FLT1: variants seen among roughly 807,000 people sequenced by gnomAD.
FLT1 encodes the protein fms related receptor tyrosine kinase 1, also known as vascular endothelial growth factor receptor 1.
In FLT1, 49 loss-of-function variants were observed where a neutral mutation model predicts 156.3. That is an observed-to-expected ratio of 0.31 (90% CI 0.25 to 0.40). FLT1 has a LOEUF of 0.40. Ranked by LOEUF, FLT1 falls within the 10% of genes least tolerant of loss-of-function variation. The pLI, the probability that FLT1 is intolerant of heterozygous loss-of-function variation, is 1.00. For synonymous variants in FLT1, 594 were observed against 583.8 expected (o/e 1.02, Z -0.25); for missense variants, 1,322 against 1,637.2 (o/e 0.81, Z 3.32).
In FLT1 at chr13:28,434,129, A is replaced by G; in HGVS notation, c.605T>C (p.Ile202Thr). Residue 202 changes from isoleucine to threonine, a missense_variant, in exon 5 of 30, where the codon ATA becomes ACA. Ile to Thr is a moderately conservative substitution (Grantham distance 89). Transcript: ENST00000282397. ...TGTTGCTTCACAGGTCAGAAGCCCTATTTCTTTGTACGTTGCATTTGATAT... is the reference window on the plus strand; with the variant it reads ...TGTTGCTTCACAGGTCAGAAGCCCTGTTTCTTTGTACGTTGCATTTGATAT... ...FIISNATYKE[I>T]GLLTCEATVN... The G allele has an allele frequency of 6.2e-7, 1 of 1,614,102 alleles. No homozygotes were observed. Among genetic ancestry groups the G allele is most frequent in the Non-Finnish European group, 8.5e-7 (1 of 1,179,986 alleles).
chr13:28,327,864 G>GCC (rs1871754918), intron 19 of FLT1, among the ~76,000 whole-genome samples: 1 of 151,760 alleles, frequency 6.6e-6, no homozygotes. Context: ...GCAAAAGCCA[G>GCC]CCTCCCTGCC....
intron 3 of FLT1, among the ~76,000 whole-genome samples, chr13:28,450,843 G>T (rs1878888134): frequency 1.3e-5 from 2 of 152,086 alleles, no homozygotes; most frequent in Admixed American, 6.6e-5. Context: ...CTGAATTTAC[G>T]CTTCCTGATC....
chr13:28,322,758 A>G lies in FLT1; in HGVS notation c.2953+32T>C. 6.2e-7 allele frequency: 1 copy of G among 1,606,158 alleles called. No individual in the cohort carries two copies. The highest frequency in any genetic ancestry group is 8.5e-7 in the Non-Finnish European group (1 of 1,173,894). On this transcript the variant is annotated intron_variant, in intron 21 of 29. Transcript: ENST00000282397. The surrounding 1 kb of genome is among the most constrained non-coding windows in gnomAD (Gnocchi z 4.3). ...GCATAGTATGTTGTAAAAATATCTCAGCGCGTAGGACAGGAAGGAATTAAT... is the reference window on the plus strand; with the variant it reads ...GCATAGTATGTTGTAAAAATATCTCGGCGCGTAGGACAGGAAGGAATTAAT...
chr13:28,490,941 G>A (rs984122806), intron 1 of FLT1, among the ~76,000 whole-genome samples: 3 of 152,136 alleles, frequency 2.0e-5, no homozygotes, highest in African/African-American at 7.2e-5. Context: ...ACATTCACGT[G>A]CCAAGATAGC....
chr13:28,440,525 G>T (rs1459234129), intron 3 of FLT1, among the ~76,000 whole-genome samples: 6 of 152,196 alleles, frequency 3.9e-5, no homozygotes, highest in African/African-American at 1.4e-4. Flanking sequence ...CACACATTCA[G>T]TGGGAAAGTA....
At chr13:28,370,372 C>T (rs777060653) in intron 14 of FLT1, among the ~76,000 whole-genome samples, 17 of 152,034 alleles carry the variant, frequency 1.1e-4, no homozygotes, top group Non-Finnish European at 1.6e-4. Flanking sequence ...TGTTAAATGA[C>T]GAGTTAATGG....
At chr13:28,457,501 T>G (rs1362905561) in intron 3 of FLT1, among the ~76,000 whole-genome samples, 1 of 152,334 alleles carries the variant, frequency 6.6e-6, no homozygotes, top group East Asian at 1.9e-4. Context: ...GTAAGCTACC[T>G]ATTTTGAACA....
At chr13:28,403,596 A>C (rs1313988002) in intron 11 of FLT1, among the ~76,000 whole-genome samples, 2 of 152,226 alleles carry the variant, frequency 1.3e-5, no homozygotes, top group Non-Finnish European at 1.5e-5. Context: ...TCTTGTGTTA[A>C]TATCCGGCAG....
chr13:28,393,650 C>T (rs957622420), intron 12 of FLT1, among the ~76,000 whole-genome samples: 2 of 152,162 alleles, frequency 1.3e-5, no homozygotes, highest in African/African-American at 4.8e-5. Context: ...ATGGTGGTGC[C>T]ATCATGGCTC....
chr13:28,478,059 T>A (rs1372805942), intron 1 of FLT1, among the ~76,000 whole-genome samples: 1 of 152,236 alleles, frequency 6.6e-6, no homozygotes, highest in Non-Finnish European at 1.5e-5. Context: ...TAGTGTCTGA[T>A]CAGTGACAAA....
At chr13:28,450,543 G>C (rs572480076) in intron 3 of FLT1, among the ~76,000 whole-genome samples, 7 of 151,942 alleles carry the variant, frequency 4.6e-5, no homozygotes, top group African/African-American at 1.4e-4. Context: ...GAGGGAGAGA[G>C]GGAGAAAAGA....
chr13:28,428,618 A>G (rs1050795505), intron 8 of FLT1, among the ~76,000 whole-genome samples: 2 of 152,222 alleles, frequency 1.3e-5, no homozygotes, highest in African/African-American at 4.8e-5. Flanking sequence ...TACTCACTGC[A>G]GGCTGCTGCA....
At chr13:28,321,012 C>T (rs1455470428) in intron 23 of FLT1, among the ~76,000 whole-genome samples, 1 of 152,144 alleles carries the variant, frequency 6.6e-6, no homozygotes, top group Admixed American at 6.5e-5. Context: ...TAAACAGTCT[C>T]CTCCATAGTC....
At chr13:28,378,219 T>A (rs1873928640) in intron 14 of FLT1, among the ~76,000 whole-genome samples, 1 of 152,100 alleles carries the variant, frequency 6.6e-6, no homozygotes, top group Admixed American at 6.5e-5. Flanking sequence ...CAACTAATTT[T>A]TGTATTTTTA....
intron 13 of FLT1, chr13:28,388,317 GCCGTGGGACAGAAT>G: frequency 2.8e-6 from 3 of 1,058,268 alleles, no homozygotes; most frequent in Non-Finnish European, 3.4e-6. Flanking sequence ...GACAAGTTTA[GCCGTGGGACAGAAT>G]CTGTTACCTA....
intron 1 of FLT1, among the ~76,000 whole-genome samples, chr13:28,482,284 C>T (rs576582590): frequency 6.6e-6 from 1 of 152,074 alleles, no homozygotes; most frequent in South Asian, 2.1e-4. Context: ...ACTAAAAATA[C>T]AATATTAGCC....
chr13:28,428,922 T>C (rs931633356), intron 8 of FLT1, among the ~76,000 whole-genome samples: 1 of 152,198 alleles, frequency 6.6e-6, no homozygotes, highest in African/African-American at 2.4e-5. Flanking sequence ...ATTGTCTTGG[T>C]ATTACTTTAA....
Position 28,319,500 on chromosome 13 carries a change from G to C in FLT1, c.3209C>G (p.Ser1070Cys), listed in dbSNP as rs371968008. The C allele has an allele frequency of 1.9e-6, 3 of 1,613,814 alleles. No homozygotes were observed. In the African/African-American group the frequency reaches 4.0e-5, roughly 22 times the overall value. ...RLPLKWMAPE[S>C]IFDKIYSTKS... ...GGTGCTGTAGATTTTGTCAAAGATA[G>C]ATTCAGGAGCCATCCATTTCAGAGG... is the stretch of plus-strand genomic sequence containing the variant. Residue 1070 changes from serine to cysteine, a missense_variant, in exon 24 of 30, where the codon TCT becomes TGT. Physicochemically the swap from Ser to Cys is moderately radical, Grantham distance 112. Around this residue, in one of 3 missense-constraint regions of FLT1, gnomAD observed 329 missense variants for 366.2 expected, o/e 0.90. Transcript: ENST00000282397.
At chr13:28,399,627 T>G (rs562110906) in intron 11 of FLT1, among the ~76,000 whole-genome samples, 1 of 152,332 alleles carries the variant, frequency 6.6e-6, no homozygotes, top group East Asian at 1.9e-4. Context: ...TCCAAATTTA[T>G]GTATAATCAG....
Sources: gnomAD v4.1 joint callset for allele counts (sites outside exome capture counted in the v4.1 genomes callset) on GRCh38, gnomAD v4.1.1 for gene constraint, gnomAD v4.1.1 regional missense constraint, Gnocchi (gnomAD v3.1) non-coding constraint, MANE v1.5 for transcripts, NCBI Gene and HGNC (gene_info 2026-07-23, HGNC 2026-07-21) for gene names.